The following ATRNL1 variants were observed in gnomAD, a reference collection of about 807,000 sequenced individuals.
ATRNL1 encodes attractin like 1, also known as attractin-like protein 1.
ATRNL1 carries 95 observed loss-of-function variants against 182.7 expected under a neutral mutation model. That is an observed-to-expected ratio of 0.52 (90% CI 0.44 to 0.62). The LOEUF (loss-of-function observed/expected upper bound fraction) is 0.62, where lower values mean the gene tolerates loss of function less well. ATRNL1 is among the 20% of genes least tolerant of loss of function. The probability of loss-of-function intolerance (pLI) is 0.00; values close to 1 mark genes in which losing one functional copy is unlikely to be tolerated. For missense variants in ATRNL1, 1,471 were observed against 1,679.5 expected (o/e 0.88, Z 2.17); for synonymous variants, 576 against 568.3 (o/e 1.01, Z -0.19).
chr10:115,336,584 GTC>G (rs1855490867), intron 19 of ATRNL1, among the ~76,000 whole-genome samples: 1 of 152,116 alleles, frequency 6.6e-6, no homozygotes, highest in African/African-American at 2.4e-5. Flanking sequence ...CAATTTGTGT[GTC>G]TCTGTAAACT....
chr10:115,865,742 C>G (rs781959276), intron 28 of ATRNL1, among the ~76,000 whole-genome samples: 1 of 152,102 alleles, frequency 6.6e-6, no homozygotes, highest in Non-Finnish European at 1.5e-5. Context: ...GTCTGTGTGA[C>G]GCCGTATGCT....
At chr10:115,259,392 G>A (rs1414858557) in intron 10 of ATRNL1, among the ~76,000 whole-genome samples, 1 of 152,224 alleles carries the variant, frequency 6.6e-6, no homozygotes, top group Non-Finnish European at 1.5e-5. Context: ...CTAGCAGTGA[G>A]CAAGGCTCTG....
chr10:115,338,030 G>A (rs1412859735), intron 19 of ATRNL1, among the ~76,000 whole-genome samples: 1 of 151,800 alleles, frequency 6.6e-6, no homozygotes, highest in African/African-American at 2.4e-5. Context: ...ACAGGAGGCA[G>A]AGCTCTGGCC....
intron 27 of ATRNL1, among the ~76,000 whole-genome samples, chr10:115,754,012 T>C (rs1948518778): frequency 6.6e-6 from 1 of 152,194 alleles, no homozygotes; most frequent in Non-Finnish European, 1.5e-5. Context: ...CACCCACTTT[T>C]TAATGGGGTT....
chr10:115,218,585 T>C (rs782581813), intron 9 of ATRNL1, among the ~76,000 whole-genome samples: 11 of 152,222 alleles, frequency 7.2e-5, no homozygotes, highest in Non-Finnish European at 1.6e-4. Context: ...TAGTTGTTCA[T>C]GCACCAGCTG....
intron 27 of ATRNL1, among the ~76,000 whole-genome samples, chr10:115,841,971 C>T (rs955095848): frequency 2.7e-5 from 4 of 149,234 alleles, no homozygotes; most frequent in African/African-American, 4.9e-5. Flanking sequence ...TCAATATAAA[C>T]ACTTATTAAG....
chr10:115,315,467 G>T (rs782347834), intron 17 of ATRNL1, 51 bp from the exon 18 acceptor site: 2 of 1,266,866 alleles, frequency 1.6e-6, no homozygotes, highest in Non-Finnish European at 2.2e-6. Context: ...CTATAATTCT[G>T]TTTGAATATA....
chr10:115,373,785 AT>A (rs200540940), intron 19 of ATRNL1, among the ~76,000 whole-genome samples: 1,961 of 151,032 alleles, frequency 0.013, 39 homozygotes, highest in African/African-American at 0.044. Flanking sequence ...TATTTTGTTG[AT>A]TTTTTTCATC....
intron 25 of ATRNL1, among the ~76,000 whole-genome samples, chr10:115,527,241 C>T (rs1365541328): frequency 6.6e-6 from 1 of 151,854 alleles, no homozygotes; most frequent in Non-Finnish European, 1.5e-5. Context: ...ACCTCAGCCT[C>T]CTGAGTAGCT....
intron 26 of ATRNL1, among the ~76,000 whole-genome samples, chr10:115,580,319 TGTCTGTAGAA>T (rs1356731051): frequency 6.6e-6 from 1 of 152,138 alleles, no homozygotes; most frequent in African/African-American, 2.4e-5. Context: ...AGCTTTTGTA[TGTCTGTAGAA>T]GTCTTTATCT....
chr10:115,650,209 A>G (rs1372613596), intron 26 of ATRNL1, among the ~76,000 whole-genome samples: 20 of 152,230 alleles, frequency 1.3e-4, no homozygotes, highest in African/African-American at 4.1e-4. Context: ...TAAGCTGTGC[A>G]CATGCAGGAT....
intron 26 of ATRNL1, among the ~76,000 whole-genome samples, chr10:115,694,360 G>A (rs1946487308): frequency 6.6e-6 from 1 of 151,874 alleles, no homozygotes; most frequent in Non-Finnish European, 1.5e-5. Flanking sequence ...GTTCTGAATA[G>A]GTACAATTTA....
At chr10:115,760,844 T>G (rs1288139013) in intron 27 of ATRNL1, among the ~76,000 whole-genome samples, 1 of 152,158 alleles carries the variant, frequency 6.6e-6, no homozygotes, top group Non-Finnish European at 1.5e-5. Context: ...AAGGTATAGT[T>G]TGTTGTATTT....
At chr10:115,499,202 A>AT (rs1266321372) in intron 24 of ATRNL1, among the ~76,000 whole-genome samples, 33 of 152,196 alleles carry the variant, frequency 2.2e-4, no homozygotes, top group Non-Finnish European at 3.8e-4. Flanking sequence ...TTATAACAAT[A>AT]TTTTTTTGAC....
intron 21 of ATRNL1, among the ~76,000 whole-genome samples, chr10:115,434,026 G>T (rs1554964437): frequency 6.6e-6 from 1 of 152,070 alleles, no homozygotes; most frequent in Non-Finnish European, 1.5e-5. Flanking sequence ...CTAGTGTGGG[G>T]CTGTGTCTGC....
At chr10:115,420,244 A>G (rs1044278378) in intron 20 of ATRNL1, among the ~76,000 whole-genome samples, 1 of 151,992 alleles carries the variant, frequency 6.6e-6, no homozygotes, top group Non-Finnish European at 1.5e-5. Flanking sequence ...GGGTTTCACC[A>G]TGTTAGCCAG....
At chr10:115,464,015 T>A (rs1439141433) in intron 22 of ATRNL1, among the ~76,000 whole-genome samples, 1 of 152,000 alleles carries the variant, frequency 6.6e-6, no homozygotes, top group Non-Finnish European at 1.5e-5. Flanking sequence ...CTAGTTTGCT[T>A]GTCTTTTTGC....
intron 28 of ATRNL1, among the ~76,000 whole-genome samples, chr10:115,878,863 TA>T (rs1951758061): frequency 1.3e-5 from 2 of 152,160 alleles, no homozygotes; most frequent in Admixed American, 1.3e-4. Context: ...CCTGACCCCC[TA>T]AATATTGATT....
intron 26 of ATRNL1, among the ~76,000 whole-genome samples, chr10:115,614,903 A>G (rs1384777094): frequency 7.9e-5 from 12 of 151,812 alleles, no homozygotes; most frequent in Admixed American, 7.2e-4. Flanking sequence ...TTTTAAGTCT[A>G]TGTGTGCCTT....
Sources: allele counts gnomAD v4.1 joint callset (sites outside exome capture counted in the v4.1 genomes callset), GRCh38; gene constraint gnomAD v4.1.1; transcripts MANE v1.5; gene names NCBI Gene and HGNC (gene_info 2026-07-23, HGNC 2026-07-21).